Variants in ATRX observed in about 807,000 individuals in gnomAD.
ATRX encodes the protein chromatin remodeler ATRX.
In ATRX, 12 loss-of-function variants were observed where a neutral mutation model predicts 172.6. The observed-to-expected ratio is 0.07, with a 90% CI of 0.04 to 0.11. The LOEUF is 0.11. ATRX is among the 10% of genes least tolerant of loss of function. The pLI, the probability that ATRX is intolerant of heterozygous loss-of-function variation, is 1.00. For synonymous variants in ATRX, 674 were observed against 594.7 expected, an observed-to-expected ratio of 1.13 and a Z score of -1.94; for missense variants, 1,368 against 1,767.4, an observed-to-expected ratio of 0.77 and a Z score of 4.05.
chrX:77,653,342 T>A (rs1259275172), intron 14 of ATRX, among the ~76,000 whole-genome samples: 1 of 112,166 alleles, frequency 8.9e-6, no homozygotes, highest in African/African-American at 3.2e-5. Context: ...TGGCACACAC[T>A]TACAATGGAA....
At chrX:77,763,146 GTTT>G (rs1480761120) in intron 1 of ATRX, among the ~76,000 whole-genome samples, 1 of 108,707 alleles carries the variant, frequency 9.2e-6, no homozygotes, top group African/African-American at 3.3e-5. Context: ...GTTGTCTTTT[GTTT>G]TTTGTTTTTT....
chrX:77,566,751 TA>T, intron 28 of ATRX, among the ~76,000 whole-genome samples: 1 of 109,060 alleles, frequency 9.2e-6, no homozygotes, highest in African/African-American at 3.3e-5. Context: ...AGACCCTGCT[TA>T]AAAAAAAAGG....
intron 25 of ATRX, among the ~76,000 whole-genome samples, chrX:77,597,105 C>G (rs1374973092): frequency 1.8e-5 from 2 of 111,182 alleles, no homozygotes; most frequent in Non-Finnish European, 3.8e-5. Context: ...TTAAATTACA[C>G]TATAATAATT....
In ATRX at chrX:77,718,756, A is replaced by G. The variant is rs1603270292; in HGVS notation, c.21-1513T>C. On this transcript the variant is annotated intron_variant, in intron 1 of 34. Coordinates refer to ENST00000373344, the MANE Select transcript of ATRX (RefSeq NM_000489.6). ...AGGAGTTAAAACTTTAAATAAGGAAAGTATAAGTTTACCCCATTTTTTTTC... is the reference window on the plus strand; with the variant it reads ...AGGAGTTAAAACTTTAAATAAGGAAGGTATAAGTTTACCCCATTTTTTTTC... Among the ~76,000 whole-genome samples the G allele has an allele frequency of 2.7e-5, 3 of 110,248 alleles. No homozygotes were observed. The Admixed American group carries it at 2.9e-4, about 11-fold the overall frequency.
Position 77,681,702 on chromosome X carries a change from T to G in ATRX, c.3554A>C (p.Lys1185Thr), listed in dbSNP as rs781976547. Residue 1185 changes from lysine to threonine, a missense_variant, in exon 9 of 35, where the codon AAG becomes ACG. Physicochemically the swap from Lys to Thr is moderately conservative, Grantham distance 78. Transcript: ENST00000373344. ...KKKAVIVKEKKRNSLRTSTKR... is the reference protein window; with the variant it reads ...KKKAVIVKEKTRNSLRTSTKR... The stretch of plus-strand genomic sequence containing the variant: ...AGTGCTTGTTCTTAGGGAGTTTCTC[T>G]TTTTCTCCTTGACAATGACTGCCTT... The G allele has an allele frequency of 8.3e-7, 1 of 1,208,685 alleles. No homozygotes were observed. Among genetic ancestry groups the G allele is most frequent in the East Asian group, 3.0e-5 (1 of 33,794 alleles).
At chrX:77,593,021 C>T (rs1044901699) in intron 26 of ATRX, among the ~76,000 whole-genome samples, 6 of 108,386 alleles carry the variant, frequency 5.5e-5, no homozygotes, top group African/African-American at 1.7e-4. Flanking sequence ...CTCAAGAGTT[C>T]GAGATCAGCC....
chrX:77,725,043 C>G (rs2073965858), intron 1 of ATRX, among the ~76,000 whole-genome samples: 1 of 111,946 alleles, frequency 8.9e-6, no homozygotes, highest in Non-Finnish European at 1.9e-5. Flanking sequence ...GGTTGTTACT[C>G]TCTTCCTCCC....
At chrX:77,665,370 A>G (rs1354687892) in intron 10 of ATRX, among the ~76,000 whole-genome samples, 2 of 112,001 alleles carry the variant, frequency 1.8e-5, no homozygotes, top group African/African-American at 6.5e-5. Context: ...GCAATAAATA[A>G]TCTCTAATAA....
At position 77,552,164 on chromosome X, in the gene ATRX, T is replaced by C. The variant is rs1167173189; in HGVS notation, c.6699+5287A>G. ...TAAATCATGCTGCTAGAAAAACACA[T>C]GCGCATGTATGTTTACTATTCACAA... is the stretch of plus-strand genomic sequence containing the variant. On this transcript the variant is annotated intron_variant, in intron 30 of 34. Transcript: ENST00000373344. Among the ~76,000 whole-genome samples, 6 of 110,919 alleles carry C rather than the reference T, an allele frequency of 5.4e-5. No individual in the cohort carries two copies. The South Asian group carries it at 1.2e-3, about 21-fold the overall frequency.
intron 19 of ATRX, among the ~76,000 whole-genome samples, chrX:77,626,790 T>C (rs1302824996): frequency 8.9e-6 from 1 of 112,342 alleles, no homozygotes; most frequent in Non-Finnish European, 1.9e-5. Flanking sequence ...TATACAACAT[T>C]TTCTTCTGTT....
At chrX:77,648,898 G>A (rs931219127) in intron 15 of ATRX, among the ~76,000 whole-genome samples, 4 of 111,470 alleles carry the variant, frequency 3.6e-5, no homozygotes, top group African/African-American at 1.3e-4. Flanking sequence ...GCCAGGTGTG[G>A]AGGCTCCCTA....
At chrX:77,746,118 T>C (rs967052539) in intron 1 of ATRX, among the ~76,000 whole-genome samples, 8 of 110,958 alleles carry the variant, frequency 7.2e-5, no homozygotes, top group African/African-American at 2.6e-4. Context: ...ACGTAGAGCA[T>C]GGAATGATAG....
intron 21 of ATRX, among the ~76,000 whole-genome samples, chrX:77,618,398 C>T (rs1487926920): frequency 1.8e-5 from 2 of 111,707 alleles, no homozygotes; most frequent in Non-Finnish European, 3.8e-5. Flanking sequence ...AAAGTGGCTC[C>T]TCTCTTAATT....
At chrX:77,781,169 C>T (rs1557205394) in intron 1 of ATRX, among the ~76,000 whole-genome samples, 1 of 107,472 alleles carries the variant, frequency 9.3e-6, no homozygotes, top group Non-Finnish European at 1.9e-5. Flanking sequence ...CAGCCGGGCG[C>T]GGTGGCTCAC....
At chrX:77,746,808 C>T (rs1040059689) in intron 1 of ATRX, among the ~76,000 whole-genome samples, 1 of 111,011 alleles carries the variant, frequency 9.0e-6, no homozygotes, top group Non-Finnish European at 1.9e-5. Context: ...TTTGAAAAAC[C>T]CTTTTTTTGA....
chrX:77,570,093 C>G (rs1285747600), intron 28 of ATRX, among the ~76,000 whole-genome samples: 5 of 111,473 alleles, frequency 4.5e-5, no homozygotes, highest in Non-Finnish European at 7.5e-5. Context: ...GAATAGCAAA[C>G]TGAAAAACAG....
intron 2 of ATRX, among the ~76,000 whole-genome samples, chrX:77,714,266 T>A (rs782021711): frequency 9.0e-6 from 1 of 111,188 alleles, no homozygotes; most frequent in South Asian, 3.8e-4. Flanking sequence ...TTCTACAGTC[T>A]CCAGAAAGGA....
At chrX:77,660,438 G>A (rs782269569) in intron 12 of ATRX, among the ~76,000 whole-genome samples, 53 of 109,470 alleles carry the variant, frequency 4.8e-4, no homozygotes, top group South Asian at 2.0e-3. Context: ...GGTGGTGGGC[G>A]CCTGTAGTCC....
intron 34 of ATRX, among the ~76,000 whole-genome samples, chrX:77,513,316 C>CAAAAAA (rs1217104194): frequency 5.5e-4 from 14 of 25,610 alleles, no homozygotes; most frequent in African/African-American, 1.3e-3. Context: ...GACTCCGTCT[C>CAAAAAA]AAAAAAAAAA....
Sources: gnomAD v4.1 joint callset for allele counts (sites outside exome capture counted in the v4.1 genomes callset) on GRCh38, gnomAD v4.1.1 for gene constraint, MANE v1.5 for transcripts, NCBI Gene and HGNC (gene_info 2026-07-23, HGNC 2026-07-21) for gene names.